SH3GL2: variants seen among roughly 807,000 people sequenced by gnomAD.
SH3GL2 encodes SH3 domain containing GRB2 like 2, endophilin A1, also known as endophilin-A1.
A neutral mutation model predicts 46.0 loss-of-function variants in SH3GL2; 24 were observed. The observed-to-expected ratio is 0.52, with a 90% CI of 0.38 to 0.73. SH3GL2 has a LOEUF of 0.73. Among genes scored for constraint, SH3GL2 ranks in the 30% least tolerant of loss-of-function variants. The probability of loss-of-function intolerance (pLI) is 0.00; values close to 1 mark genes in which losing one functional copy is unlikely to be tolerated. For synonymous variants in SH3GL2, 196 were observed against 147.1 expected, an observed-to-expected ratio of 1.33 and a Z score of -2.40; for missense variants, 413 against 424.2, an observed-to-expected ratio of 0.97 and a Z score of 0.23.
intron 1 of SH3GL2, among the ~76,000 whole-genome samples, chr9:17,660,525 C>T (rs1820186414): frequency 2.0e-5 from 3 of 152,136 alleles, no homozygotes; most frequent in Admixed American, 2.0e-4. Context: ...AATAGATGGT[C>T]ATTAAATATT....
intron 1 of SH3GL2, among the ~76,000 whole-genome samples, chr9:17,662,378 A>G (rs901843483): frequency 7.2e-5 from 11 of 152,200 alleles, no homozygotes; most frequent in East Asian, 3.9e-4. Context: ...CCAGCTTCAT[A>G]TAGGAGAAAA....
At chr9:17,685,443 A>T (rs1191569851) in intron 1 of SH3GL2, among the ~76,000 whole-genome samples, 1 of 152,142 alleles carries the variant, frequency 6.6e-6, no homozygotes, top group African/African-American at 2.4e-5. Context: ...CCTTCACAAC[A>T]GTACCTAGAT....
intron 1 of SH3GL2, among the ~76,000 whole-genome samples, chr9:17,673,762 G>T (rs1820534843): frequency 6.6e-6 from 1 of 152,136 alleles, no homozygotes; most frequent in Non-Finnish European, 1.5e-5. Context: ...TGATTGTGCT[G>T]TTCTTTCTTA....
rs140389218 is a variant in SH3GL2, at chr9:17,754,423, C to T, written c.115-7014C>T. ...GTGCAGTGACTCACGCCTGTAATCC[C>T]AGCACTTTGGGAGGCTGAGGTGGGC... On this transcript the variant is annotated intron_variant, in intron 2 of 8. Transcript: ENST00000380607. 2.8e-3 allele frequency among the ~76,000 whole-genome samples: 429 copies of T among 152,210 alleles called. 3 individuals carry two copies. Among genetic ancestry groups the T allele is most frequent in the African/African-American group, 9.8e-3 (408 of 41,522 alleles).
At chr9:17,746,967 G>C in intron 1 of SH3GL2, 99 bp from the exon 2 acceptor site, 1 of 764,814 alleles carries the variant, frequency 1.3e-6, no homozygotes, top group Non-Finnish European at 2.2e-6. Flanking sequence ...ATGGTTGTGA[G>C]ATTACATTAG....
At chr9:17,708,387 G>C (rs1238148744) in intron 1 of SH3GL2, among the ~76,000 whole-genome samples, 2 of 151,950 alleles carry the variant, frequency 1.3e-5, no homozygotes, top group African/African-American at 4.8e-5. Context: ...TTTCATGTCA[G>C]ATGTTTCTAG....
chr9:17,738,476 T>TTA (rs1384627709), intron 1 of SH3GL2, among the ~76,000 whole-genome samples: 2 of 117,720 alleles, frequency 1.7e-5, no homozygotes, highest in Non-Finnish European at 4.0e-5. Flanking sequence ...ACATACATAC[T>TTA]TATGTATACA....
Position 17,675,273 on chromosome 9 carries a change from C to T in SH3GL2, c.46-71793C>T, listed in dbSNP as rs182650853. 2.8e-3 allele frequency among the ~76,000 whole-genome samples: 421 copies of T among 152,086 alleles called. 2 individuals are homozygous for T. The highest frequency in any genetic ancestry group is 7.7e-3 in the African/African-American group (321 of 41,478). The stretch of plus-strand genomic sequence containing the variant: ...CACATACCAGATTTTTAAAATTTGG[C>T]GGGTTTTAATTCAGGACTTAAGGGG... On this transcript the variant is annotated intron_variant, in intron 1 of 8. Transcript: ENST00000380607.
intron 3 of SH3GL2, among the ~76,000 whole-genome samples, chr9:17,775,373 G>GA (rs1229458377): frequency 2.0e-5 from 3 of 152,160 alleles, no homozygotes; most frequent in African/African-American, 7.2e-5. Flanking sequence ...GGAAAACAGA[G>GA]AAAAAAACTA....
intron 3 of SH3GL2, among the ~76,000 whole-genome samples, chr9:17,775,731 C>T (rs141320275): frequency 6.6e-6 from 1 of 152,098 alleles, no homozygotes; most frequent in Non-Finnish European, 1.5e-5. Flanking sequence ...CTTCAGAAAC[C>T]ATGTTTCATG....
intron 1 of SH3GL2, among the ~76,000 whole-genome samples, chr9:17,596,247 C>T (rs1818569361): frequency 6.6e-6 from 1 of 152,160 alleles, no homozygotes; most frequent in South Asian, 2.1e-4. Context: ...CTTCTGAATG[C>T]ATGGCTACTT....
chr9:17,772,117 C>T (rs941114385), intron 3 of SH3GL2, among the ~76,000 whole-genome samples: 1 of 152,090 alleles, frequency 6.6e-6, no homozygotes, highest in African/African-American at 2.4e-5. Context: ...TGAGACTTCA[C>T]CTAAGAAAAC....
intron 1 of SH3GL2, among the ~76,000 whole-genome samples, chr9:17,658,063 C>T (rs1452178532): frequency 1.3e-5 from 2 of 152,152 alleles, no homozygotes; most frequent in East Asian, 3.8e-4. Context: ...AGCAGGTGCT[C>T]CCCTTTAGCT....
chr9:17,622,409 G>A (rs1284914091), intron 1 of SH3GL2, among the ~76,000 whole-genome samples: 1 of 152,122 alleles, frequency 6.6e-6, no homozygotes, highest in Non-Finnish European at 1.5e-5. Flanking sequence ...CCAAGGGGGA[G>A]GATCTCTTAA....
chr9:17,721,508 T>G (rs1484903301), intron 1 of SH3GL2, among the ~76,000 whole-genome samples: 1 of 152,140 alleles, frequency 6.6e-6, no homozygotes, highest in African/African-American at 2.4e-5. Flanking sequence ...ATGGTTGCTG[T>G]GTGTTCCATT....
At chr9:17,748,018 T>C (rs1822744694) in intron 2 of SH3GL2, among the ~76,000 whole-genome samples, 1 of 152,052 alleles carries the variant, frequency 6.6e-6, no homozygotes, top group Admixed American at 6.6e-5. Context: ...CTAATACTCA[T>C]TTGGGGGATT....
chr9:17,585,661 T>A (rs1384679299), intron 1 of SH3GL2, among the ~76,000 whole-genome samples: 1 of 152,176 alleles, frequency 6.6e-6, no homozygotes, highest in Non-Finnish European at 1.5e-5. Flanking sequence ...GCAAGTGCCT[T>A]TACTAGTGAT....
chr9:17,757,677 A>G (rs1004443144), intron 2 of SH3GL2, among the ~76,000 whole-genome samples: 1 of 152,174 alleles, frequency 6.6e-6, no homozygotes, highest in Non-Finnish European at 1.5e-5. Flanking sequence ...GAGAAAAATA[A>G]CAGTTACATG....
intron 1 of SH3GL2, among the ~76,000 whole-genome samples, 192 bp from the exon 2 acceptor site, chr9:17,746,874 T>A (rs531276060): frequency 1.9e-4 from 29 of 152,352 alleles, no homozygotes; most frequent in Non-Finnish European, 3.1e-4. Flanking sequence ...ACCCACCAGA[T>A]GCATAGCCTT....
Sources: allele counts gnomAD v4.1 joint callset (sites outside exome capture counted in the v4.1 genomes callset), GRCh38; gene constraint gnomAD v4.1.1; transcripts MANE v1.5; gene names NCBI Gene and HGNC (gene_info 2026-07-23, HGNC 2026-07-21).